The following AP3B1 variants were observed in gnomAD, a reference collection of about 807,000 sequenced individuals.
AP3B1 encodes the protein AP-3 complex subunit beta-1.
Under a neutral mutation model 132.5 loss-of-function variants are expected in AP3B1, and 61 were observed. That is an observed-to-expected ratio of 0.46 (90% CI 0.37 to 0.57). The LOEUF (loss-of-function observed/expected upper bound fraction) is 0.57. Ranked by LOEUF, AP3B1 falls within the 20% of genes least tolerant of loss-of-function variation. The probability of loss-of-function intolerance (pLI) is 0.00; values close to 1 mark genes in which losing one functional copy is unlikely to be tolerated. For synonymous variants in AP3B1, 388 were observed against 438.3 expected (o/e 0.89, Z 1.43); for missense variants, 1,120 against 1,289.4 (o/e 0.87, Z 2.01).
intron 23 of AP3B1, 79 bp from the exon 24 acceptor site, chr5:78,034,524 A>T: frequency 9.1e-7 from 1 of 1,099,998 alleles, no homozygotes; most frequent in Non-Finnish European, 1.4e-6. Flanking sequence ...AATTTAGGTA[A>T]TGTTTGTAGC....
intron 6 of AP3B1, 56 bp downstream of exon 6, chr5:78,225,486 A>G: frequency 1.1e-6 from 1 of 939,974 alleles, no homozygotes; most frequent in Non-Finnish European, 1.7e-6. Flanking sequence ...ATGGTAAATG[A>G]TACTATGTAA....
In AP3B1 at chr5:78,104,047, T is replaced by C. The variant is rs185198504; in HGVS notation, c.2398-3022A>G. Among the ~76,000 whole-genome samples, 8 of 152,234 alleles carry C rather than the reference T, an allele frequency of 5.3e-5. No homozygotes were observed. The East Asian group carries it at 1.5e-3, about 29-fold the overall frequency. On this transcript the variant is annotated intron_variant, in intron 20 of 26. Transcript: ENST00000255194. ...GAAACCATTGTAAAGAGGTTTGAAA[T>C]TTGAAACTATAAAATAGGATAAGCA...
chr5:78,046,326 G>A (rs886776313), intron 22 of AP3B1, among the ~76,000 whole-genome samples: 3 of 152,306 alleles, frequency 2.0e-5, no homozygotes, highest in Non-Finnish European at 1.5e-5. Flanking sequence ...CTGCGCATGC[G>A]AGGGATCTAG....
intron 22 of AP3B1, among the ~76,000 whole-genome samples, chr5:78,078,535 T>A (rs1027352721): frequency 6.6e-6 from 1 of 152,224 alleles, no homozygotes; most frequent in Non-Finnish European, 1.5e-5. Context: ...ATATACATTT[T>A]ATCTTCTCTC....
At chr5:78,191,739 T>G (rs1432791339) in intron 7 of AP3B1, among the ~76,000 whole-genome samples, 4 of 152,160 alleles carry the variant, frequency 2.6e-5, no homozygotes, top group African/African-American at 9.7e-5. Context: ...GGATACTGTT[T>G]CCTTCTGTAA....
intron 25 of AP3B1, among the ~76,000 whole-genome samples, chr5:78,018,474 T>C (rs1580244603): frequency 6.8e-6 from 1 of 146,638 alleles, no homozygotes; most frequent in East Asian, 1.9e-4. Flanking sequence ...TTTAATACTG[T>C]ACACTTTTCA....
chr5:78,196,718 C>G (rs1430558910), intron 7 of AP3B1, among the ~76,000 whole-genome samples: 1 of 152,140 alleles, frequency 6.6e-6, no homozygotes, highest in East Asian at 1.9e-4. Context: ...TATGAAAAGA[C>G]ATGGAGACAA....
At chr5:78,053,826 G>A (rs995435078) in intron 22 of AP3B1, among the ~76,000 whole-genome samples, 3 of 152,164 alleles carry the variant, frequency 2.0e-5, no homozygotes, top group Non-Finnish European at 2.9e-5. Context: ...CATTAGGTTC[G>A]TTTTACTCTG....
chr5:78,293,710 A>T (rs952400479), intron 1 of AP3B1, among the ~76,000 whole-genome samples: 1 of 151,496 alleles, frequency 6.6e-6, no homozygotes, highest in Middle Eastern at 3.4e-3. Flanking sequence ...ACTACCACCA[A>T]CCCACCCCCC....
chr5:78,215,225 A>T (rs1190551839), intron 7 of AP3B1, among the ~76,000 whole-genome samples: 1 of 151,878 alleles, frequency 6.6e-6, no homozygotes, highest in Non-Finnish European at 1.5e-5. Flanking sequence ...TTTTTTACAC[A>T]AATTGGTTTT....
intron 1 of AP3B1, among the ~76,000 whole-genome samples, chr5:78,281,789 T>C (rs1749069040): frequency 6.6e-6 from 1 of 152,086 alleles, no homozygotes; most frequent in Admixed American, 6.6e-5. Flanking sequence ...CAGTGGTGCA[T>C]ATAAAAAGAG....
chr5:78,196,124 G>C (rs1745068820), intron 7 of AP3B1, among the ~76,000 whole-genome samples: 1 of 152,082 alleles, frequency 6.6e-6, no homozygotes, highest in Non-Finnish European at 1.5e-5. Flanking sequence ...ATTTGCCAAA[G>C]ACATATCTGA....
At chr5:78,120,106 G>A (rs1752096831) in intron 17 of AP3B1, among the ~76,000 whole-genome samples, 1 of 152,052 alleles carries the variant, frequency 6.6e-6, no homozygotes. Context: ...CCTAAGTGAA[G>A]GAGAAATAAA....
intron 17 of AP3B1, among the ~76,000 whole-genome samples, chr5:78,123,025 C>T (rs1752293958): frequency 6.6e-6 from 1 of 152,096 alleles, no homozygotes; most frequent in African/African-American, 2.4e-5. Context: ...CAGAACAGAG[C>T]CCTCAGAAAT....
At position 78,128,047 on chromosome 5, in the gene AP3B1, C is replaced by G. The variant is rs755219130; in HGVS notation, c.1951G>C (p.Val651Leu). 3 of 1,613,064 alleles carry G rather than the reference C, an allele frequency of 1.9e-6. No homozygotes were observed. In the East Asian group the frequency reaches 6.7e-5, roughly 36 times the overall value. The change falls in exon 17 of 27, where the codon GTA (valine) becomes CTA (leucine). Residue 651 changes from valine (V) to leucine (L), a missense_variant. Val to Leu is a conservative substitution (Grantham distance 32, BLOSUM62 1). This residue lies in a region of AP3B1 where 906 missense variants were observed against 997.1 expected (regional missense o/e 0.91). Coordinates refer to ENST00000255194, the MANE Select transcript of AP3B1 (RefSeq NM_003664.5). ...EVAPDPSVRNVEVIELAKEWT... is the reference protein window; with the variant it reads ...EVAPDPSVRNLEVIELAKEWT... ...CAACTTACCAACTCTATTACTTCTA[C>G]ATTTCGAACTGATGGGTCGGGCGCC...
At chr5:78,220,415 C>A (rs998330051) in intron 6 of AP3B1, among the ~76,000 whole-genome samples, 1 of 151,136 alleles carries the variant, frequency 6.6e-6, no homozygotes. Context: ...AAATATAAAC[C>A]CTAAATTCCA....
At chr5:78,072,109 G>T (rs1749567067) in intron 22 of AP3B1, among the ~76,000 whole-genome samples, 1 of 152,050 alleles carries the variant, frequency 6.6e-6, no homozygotes, top group South Asian at 2.1e-4. Flanking sequence ...GTATACAGGA[G>T]CAGGGACACT....
chr5:78,185,545 A>C (rs899429623), intron 7 of AP3B1, among the ~76,000 whole-genome samples: 13 of 152,322 alleles, frequency 8.5e-5, no homozygotes, highest in Middle Eastern at 3.4e-3. Flanking sequence ...ATGCATGTAA[A>C]ATGTAATACC....
intron 22 of AP3B1, among the ~76,000 whole-genome samples, chr5:78,059,229 C>T (rs1748941356): frequency 6.6e-6 from 1 of 152,106 alleles, no homozygotes; most frequent in Non-Finnish European, 1.5e-5. Context: ...TGGAAAAGAG[C>T]CATGAACCAA....
Sources: allele counts gnomAD v4.1 joint callset (sites outside exome capture counted in the v4.1 genomes callset), GRCh38; gene constraint gnomAD v4.1.1; regional missense constraint gnomAD v4.1.1; transcripts MANE v1.5; gene names NCBI Gene and HGNC (gene_info 2026-07-23, HGNC 2026-07-21).